Variants in TRIM44 observed in about 807,000 individuals in gnomAD.
TRIM44 encodes the protein tripartite motif containing 44.
In TRIM44, 13 loss-of-function variants were observed where a neutral mutation model predicts 37.4. That is an observed-to-expected ratio of 0.35 (90% CI 0.23 to 0.55). TRIM44 has a LOEUF of 0.55. TRIM44 is among the 20% of genes least tolerant of loss of function. The pLI is 0.89. For synonymous variants in TRIM44, 175 were observed against 157.2 expected (o/e 1.11, Z -0.85); for missense variants, 426 against 437.2 (o/e 0.97, Z 0.23).
intron 4 of TRIM44, among the ~76,000 whole-genome samples, chr11:35,750,408 G>A (rs1969800): frequency 0.25 from 38,621 of 152,016 alleles, 6,001 homozygotes; most frequent in Middle Eastern, 0.44. Flanking sequence ...AGATATATTA[G>A]ACTAAACACT....
chr11:35,778,207 C>T (rs1450812306), intron 4 of TRIM44, among the ~76,000 whole-genome samples: 1 of 152,126 alleles, frequency 6.6e-6, no homozygotes, highest in African/African-American at 2.4e-5. Context: ...TCATTCATTT[C>T]ATCCTCGATC....
chr11:35,786,773 G>A (rs936999247), intron 4 of TRIM44, among the ~76,000 whole-genome samples: 7 of 151,998 alleles, frequency 4.6e-5, no homozygotes, highest in Admixed American at 3.9e-4. Context: ...TAATTTTCTC[G>A]GTGTTAGCGA....
At chr11:35,682,524 A>T (rs79518960) in intron 1 of TRIM44, among the ~76,000 whole-genome samples, 1,993 of 152,238 alleles carry the variant, frequency 0.013, 46 homozygotes, top group African/African-American at 0.044. Context: ...ATAGATTTTT[A>T]AAAAAGCCTT....
chr11:35,784,299 T>TG (rs1267064072), intron 4 of TRIM44, among the ~76,000 whole-genome samples: 1 of 152,222 alleles, frequency 6.6e-6, no homozygotes, highest in Non-Finnish European at 1.5e-5. Context: ...ATACTATTTC[T>TG]GAGGCTTGAG....
chr11:35,686,353 G>A (rs1851578629), intron 2 of TRIM44, among the ~76,000 whole-genome samples: 1 of 148,312 alleles, frequency 6.7e-6, no homozygotes, highest in African/African-American at 2.5e-5. Context: ...TTTACTGTAG[G>A]TTCTTTTTGT....
rs1454060640 is a variant in TRIM44 at position 35,813,867 on chromosome 11, T to A, written c.*7482T>A. On this transcript the variant is annotated 3_prime_UTR_variant, in exon 5 of 5. Coordinates refer to ENST00000299413, the MANE Select transcript of TRIM44 (RefSeq NM_017583.6). ...AACAGTGTATATCCCCCTAGCTGAC[T>A]TTTATTGTTTCATGAGCCTCTGGTG... 1 of 152,230 alleles carries A rather than the reference T, an allele frequency of 6.6e-6. No individual in the cohort carries two copies. The highest frequency in any genetic ancestry group is 2.4e-5 in the African/African-American group (1 of 41,456). 9.4% of individuals were successfully genotyped at this position (152,230 alleles called of 1,614,324 possible).
chr11:35,699,490 A>T (rs538484965), intron 2 of TRIM44, among the ~76,000 whole-genome samples: 1 of 152,106 alleles, frequency 6.6e-6, no homozygotes, highest in Non-Finnish European at 1.5e-5. Context: ...ACCCACAGCC[A>T]ATATCATACT....
chr11:35,723,175 A>G (rs937742410), intron 2 of TRIM44, among the ~76,000 whole-genome samples: 3 of 152,014 alleles, frequency 2.0e-5, no homozygotes, highest in Non-Finnish European at 2.9e-5. Flanking sequence ...ATGAGTTGTA[A>G]AAGTACATTA....
rs1590481466 is a variant in TRIM44, at chr11:35,663,026, C to T, written c.-86C>T. The T allele has an allele frequency of 2.1e-6, 3 of 1,435,986 alleles. No homozygotes were observed. Among genetic ancestry groups the T allele is most frequent in the African/African-American group, 1.4e-5 (1 of 69,796 alleles). 89.0% of individuals were successfully genotyped at this position (1,435,986 alleles called of 1,614,324 possible). On this transcript the variant is annotated 5_prime_UTR_variant, in exon 1 of 5. Transcript: ENST00000299413. ...GGAGGCGACTCCCTAGGAAGGGACC[C>T]GGGGCGGGAGGAGGAAGTGAGGCCG...
At chr11:35,738,479 T>C (rs1852353621) in intron 4 of TRIM44, among the ~76,000 whole-genome samples, 1 of 152,132 alleles carries the variant, frequency 6.6e-6, no homozygotes, top group South Asian at 2.1e-4. Flanking sequence ...GTACCAAAAA[T>C]AAGTGCATGT....
rs60312866 is a variant in TRIM44 at position 35,801,372 on chromosome 11, CAATT to C, written c.1008-4982_1008-4979del. 2.9e-3 allele frequency among the ~76,000 whole-genome samples: 449 copies of C among 152,252 alleles called. 1 individual carries two copies. Among genetic ancestry groups the C allele is most frequent in the African/African-American group, 9.9e-3 (413 of 41,534 alleles). On this transcript the variant is annotated intron_variant, in intron 4 of 4. Coordinates refer to ENST00000299413, the MANE Select transcript of TRIM44 (RefSeq NM_017583.6). The stretch of plus-strand genomic sequence containing the variant: ...TAAATAATCCTTTTACAGCAATAAT[CAATT>C]AATAGATAACCAAGAACTCAGAAGA...
At chr11:35,777,237 G>T (rs1003221055) in intron 4 of TRIM44, among the ~76,000 whole-genome samples, 1 of 152,064 alleles carries the variant, frequency 6.6e-6, no homozygotes, top group Non-Finnish European at 1.5e-5. Context: ...TTTGATCTTT[G>T]TTGGTTTAAA....
At chr11:35,692,140 C>T (rs1243435170) in intron 2 of TRIM44, among the ~76,000 whole-genome samples, 2 of 151,958 alleles carry the variant, frequency 1.3e-5, no homozygotes, top group African/African-American at 2.4e-5. Context: ...GAAATAAAAT[C>T]GCCCATTTTT....
chr11:35,743,053 A>C (rs1201222313), intron 4 of TRIM44, among the ~76,000 whole-genome samples: 3 of 152,012 alleles, frequency 2.0e-5, no homozygotes, highest in Non-Finnish European at 4.4e-5. Flanking sequence ...CAGGATAAAG[A>C]ATCAGAAAAT....
intron 3 of TRIM44, among the ~76,000 whole-genome samples, chr11:35,734,519 G>A (rs115933667): frequency 0.013 from 1,920 of 152,222 alleles, 45 homozygotes; most frequent in African/African-American, 0.044. Flanking sequence ...TTCATTCTCC[G>A]AGGAGTACAA....
At chr11:35,784,598 G>A (rs1853105772) in intron 4 of TRIM44, among the ~76,000 whole-genome samples, 1 of 152,166 alleles carries the variant, frequency 6.6e-6, no homozygotes, top group Non-Finnish European at 1.5e-5. Flanking sequence ...GAATGGGTGT[G>A]TATTTATGTA....
intron 4 of TRIM44, among the ~76,000 whole-genome samples, chr11:35,798,801 T>TGAA (rs1436841121): frequency 1.3e-5 from 2 of 152,200 alleles, no homozygotes. Context: ...AAGCAGACTG[T>TGAA]GAAGGAGACT....
chr11:35,813,043 G>A lies in TRIM44; in HGVS notation c.*6658G>A, dbSNP rs1288786799. The A allele has an allele frequency of 4.6e-5, 7 of 152,174 alleles. No homozygotes were observed. The allele number at this position is 152,174 out of a possible 1,614,324, so 9.4% of individuals were successfully genotyped here. A position where few individuals can be genotyped will look rare whatever the true frequency, so the allele number is the denominator to read the frequency against. ...CATGTTGAAGGCTCTCCAACAGCTT[G>A]ACGTCAGGCCAGCTTCATATTCTTG... On this transcript the variant is annotated 3_prime_UTR_variant, in exon 5 of 5. Transcript: ENST00000299413.
intron 4 of TRIM44, among the ~76,000 whole-genome samples, chr11:35,799,421 T>C (rs557274963): frequency 6.6e-6 from 1 of 152,282 alleles, no homozygotes; most frequent in Non-Finnish European, 1.5e-5. Flanking sequence ...CAAACTCAGG[T>C]CTGTATTTCT....
Sources: allele counts gnomAD v4.1 joint callset (sites outside exome capture counted in the v4.1 genomes callset), GRCh38; gene constraint gnomAD v4.1.1; transcripts MANE v1.5; gene names NCBI Gene and HGNC (gene_info 2026-07-23, HGNC 2026-07-21).